DOCK3: variants seen among roughly 807,000 people sequenced by gnomAD.
DOCK3 encodes the protein dedicator of cytokinesis protein 3.
DOCK3 carries 60 observed loss-of-function variants against 265.6 expected under a neutral mutation model. The ratio of observed to expected loss-of-function variants is 0.23; its 90% CI spans 0.18 to 0.28. The LOEUF is 0.28. Among genes scored for constraint, DOCK3 ranks in the 10% least tolerant of loss-of-function variants. The pLI is 1.00. For missense variants in DOCK3, 1,981 were observed against 2,594.3 expected, an observed-to-expected ratio of 0.76 and a Z score of 5.14; for synonymous variants, 881 against 938.0, an observed-to-expected ratio of 0.94 and a Z score of 1.11.
At chr3:51,239,059 A>G (rs1341275320) in intron 21 of DOCK3, among the ~76,000 whole-genome samples, 2 of 152,180 alleles carry the variant, frequency 1.3e-5, no homozygotes, top group Non-Finnish European at 2.9e-5. Flanking sequence ...TGGTTGAACT[A>G]ATTTACACTA....
At chr3:51,362,502 CCTG>C (rs3830230) in intron 48 of DOCK3, 22 bp from the exon 49 acceptor site, 70,383 of 1,613,588 alleles carry the variant, frequency 0.044, 6,933 homozygotes, top group East Asian at 0.33. Context: ...AGACCTCTAT[CCTG>C]CTGATTTTTC....
intron 1 of DOCK3, among the ~76,000 whole-genome samples, chr3:50,694,933 A>G (rs891935236): frequency 3.9e-5 from 6 of 152,224 alleles, no homozygotes; most frequent in African/African-American, 1.4e-4. Flanking sequence ...TAAATACCTT[A>G]TATAGGATAG....
intron 1 of DOCK3, among the ~76,000 whole-genome samples, chr3:50,677,304 A>C (rs1030771728): frequency 7.2e-5 from 11 of 152,234 alleles, no homozygotes; most frequent in Non-Finnish European, 1.6e-4. Context: ...GTTTTTGTGT[A>C]AATTGTTTAA....
At chr3:50,843,626 C>A (rs1350739090) in intron 3 of DOCK3, among the ~76,000 whole-genome samples, 2 of 152,140 alleles carry the variant, frequency 1.3e-5, no homozygotes, top group Non-Finnish European at 2.9e-5. Context: ...TCACACTACT[C>A]TAAAGAATGT....
intron 2 of DOCK3, among the ~76,000 whole-genome samples, chr3:50,841,340 T>C (rs2045812661): frequency 6.6e-6 from 1 of 152,218 alleles, no homozygotes. Flanking sequence ...CTATCTGCCA[T>C]GAAAAAAGTG....
At chr3:51,278,497 G>A (rs1468042453) in intron 26 of DOCK3, 3 of 985,284 alleles carry the variant, frequency 3.0e-6, no homozygotes, top group African/African-American at 1.7e-5. Flanking sequence ...GCTACAGCGT[G>A]CTAGGGAGAG....
chr3:51,062,584 A>G (rs1483732394), intron 5 of DOCK3, among the ~76,000 whole-genome samples: 2 of 152,176 alleles, frequency 1.3e-5, no homozygotes, highest in African/African-American at 4.8e-5. Context: ...TATCACCATC[A>G]TTAATGATTT....
intron 40 of DOCK3, among the ~76,000 whole-genome samples, chr3:51,352,881 G>A (rs959228825): frequency 5.3e-5 from 8 of 152,126 alleles, no homozygotes; most frequent in Middle Eastern, 3.2e-3. Context: ...CACTGTGTGC[G>A]TTCTTCCTGC....
In DOCK3 at chr3:51,333,010, G is replaced by A. The variant is rs373264463; in HGVS notation, c.3498G>A (p.Leu1166=). The change falls in exon 34 of 53, where the codon CTG becomes CTA. Residue 1166 remains leucine (L), a synonymous_variant. Transcript: ENST00000266037. The part of the protein sequence containing the change: ...YRELFSLLTQ[L]FGPYPSLLEK... ...CTGCTGCATGGAGTAGAACCCAGCT[G>A]TTTGGGCCCTACCCCAGGTAAGACT... 2.5e-6 allele frequency: 4 copies of A among 1,613,862 alleles called. No homozygotes were observed. Among genetic ancestry groups the A allele is most frequent in the African/African-American group, 1.3e-5 (1 of 74,938 alleles).
At chr3:50,677,943 G>A (rs2034104190) in intron 1 of DOCK3, among the ~76,000 whole-genome samples, 1 of 152,142 alleles carries the variant, frequency 6.6e-6, no homozygotes, top group East Asian at 1.9e-4. Flanking sequence ...TATCCTTTCT[G>A]AGGGTCAGTG....
intron 4 of DOCK3, among the ~76,000 whole-genome samples, chr3:50,909,903 G>A (rs931208255): frequency 5.9e-5 from 9 of 151,736 alleles, no homozygotes; most frequent in South Asian, 2.1e-4. Context: ...ATATCTCAGC[G>A]GTTTTGTTCA....
chr3:50,915,124 G>A (rs2050048438), intron 4 of DOCK3, among the ~76,000 whole-genome samples: 1 of 152,086 alleles, frequency 6.6e-6, no homozygotes, highest in Admixed American at 6.5e-5. Context: ...AATTCTACTT[G>A]TGCATGGCAG....
chr3:50,896,480 T>G (rs1481767364), intron 4 of DOCK3, among the ~76,000 whole-genome samples: 1 of 152,076 alleles, frequency 6.6e-6, no homozygotes, highest in East Asian at 1.9e-4. Context: ...TGCAGAAGCT[T>G]TTTAGTTTAA....
intron 5 of DOCK3, among the ~76,000 whole-genome samples, chr3:51,059,167 G>T (rs962033406): frequency 6.6e-6 from 1 of 152,064 alleles, no homozygotes; most frequent in African/African-American, 2.4e-5. Context: ...ACTTGTAAAT[G>T]AGAACATACG....
intron 9 of DOCK3, among the ~76,000 whole-genome samples, chr3:51,122,598 A>G (rs1204757449): frequency 1.3e-5 from 2 of 152,266 alleles, no homozygotes; most frequent in African/African-American, 2.4e-5. Context: ...AAATGTGTGA[A>G]GTATATTAAT....
intron 21 of DOCK3, among the ~76,000 whole-genome samples, chr3:51,239,564 TTG>T (rs958530449): frequency 1.6e-4 from 23 of 139,624 alleles, no homozygotes; most frequent in Middle Eastern, 3.6e-3. Flanking sequence ...GGTTTTTTTT[TTG>T]TTTGTTTGTT....
At chr3:51,114,536 G>A (rs1270429213) in intron 9 of DOCK3, among the ~76,000 whole-genome samples, 2 of 152,204 alleles carry the variant, frequency 1.3e-5, no homozygotes, top group Non-Finnish European at 2.9e-5. Context: ...AAAGTTGGCT[G>A]AGGAATGAAA....
At chr3:50,950,536 T>G (rs1028418572) in intron 5 of DOCK3, among the ~76,000 whole-genome samples, 2 of 152,114 alleles carry the variant, frequency 1.3e-5, no homozygotes, top group Non-Finnish European at 2.9e-5. Flanking sequence ...GTAGTGCTCA[T>G]TTGCAGTTAA....
intron 2 of DOCK3, among the ~76,000 whole-genome samples, chr3:50,830,828 T>C (rs531066874): frequency 2.0e-5 from 3 of 152,270 alleles, no homozygotes; most frequent in East Asian, 3.9e-4. Context: ...GCAAGTTTAT[T>C]AGGAAAATAG....
Sources: gnomAD v4.1 joint callset for allele counts (sites outside exome capture counted in the v4.1 genomes callset) on GRCh38, gnomAD v4.1.1 for gene constraint, MANE v1.5 for transcripts, NCBI Gene and HGNC (gene_info 2026-07-23, HGNC 2026-07-21) for gene names.